Variants in DNAJC5 observed in about 807,000 individuals in gnomAD.
DNAJC5 encodes dnaJ homolog subfamily C member 5.
A neutral mutation model predicts 23.2 loss-of-function variants in DNAJC5; 1 was observed. The observed-to-expected ratio is 0.04, with a 90% CI of 0.02 to 0.20. The LOEUF (loss-of-function observed/expected upper bound fraction) is 0.20, where lower values mean the gene tolerates loss of function less well. Ranked by LOEUF, DNAJC5 falls within the 10% of genes least tolerant of loss-of-function variation. The pLI, the probability that DNAJC5 is intolerant of heterozygous loss-of-function variation, is 1.00. For synonymous variants in DNAJC5, 136 were observed against 120.0 expected (o/e 1.13, Z -0.87); for missense variants, 180 against 267.0 (o/e 0.67, Z 2.27).
In DNAJC5 at chr20:63,929,139, G is replaced by A. The variant is rs983139861; in HGVS notation, c.108-173G>A. On this transcript the variant is annotated intron_variant, in intron 2 of 4. Transcript: ENST00000360864. This position sits in a 1 kb window ranked among gnomAD's most constrained non-coding sequence, Gnocchi z 8.6. ...GAGGAGGTTTACCTGAAACAACCGC[G>A]GAGCTTGCTTTTGTCCCTGGCCCCT... Among the ~76,000 whole-genome samples, 2 of 152,176 alleles carry A rather than the reference G, an allele frequency of 1.3e-5. No individual in the cohort carries two copies. The highest frequency in any genetic ancestry group is 2.4e-5 in the African/African-American group (1 of 41,454).
At position 63,931,075 on chromosome 20, in the gene DNAJC5, G is replaced by C; in HGVS notation, c.493+53G>C. On this transcript the variant is annotated intron_variant, in intron 4 of 4. Transcript: ENST00000360864. This position sits in a 1 kb window ranked among gnomAD's most constrained non-coding sequence, Gnocchi z 9.6. ...TGTGTGTGGGGCAGAGCCAGAATGGGCCCTGAATGGTGTCAACCTGTCTTG... is the reference window on the plus strand; with the variant it reads ...TGTGTGTGGGGCAGAGCCAGAATGGCCCCTGAATGGTGTCAACCTGTCTTG... 6.3e-7 allele frequency: 1 copy of C among 1,576,694 alleles called. No individual in the cohort carries two copies.
At chr20:63,921,539 C>G (rs900853125) in intron 1 of DNAJC5, among the ~76,000 whole-genome samples, 1 of 149,402 alleles carries the variant, frequency 6.7e-6, no homozygotes, top group African/African-American at 2.5e-5. Context: ...TGCAGCAAGC[C>G]GAGATAGTGC....
chr20:63,898,480 G>A (rs1172415132), intron 1 of DNAJC5, among the ~76,000 whole-genome samples: 1 of 152,166 alleles, frequency 6.6e-6, no homozygotes, highest in Non-Finnish European at 1.5e-5. Context: ...GGAACATGGT[G>A]GCTAGCCCTG....
chr20:63,931,264 C>T lies in DNAJC5; in HGVS notation c.494-201C>T, dbSNP rs2053667943. The T allele has an allele frequency of 2.6e-6, 2 of 782,860 alleles. No homozygotes were observed. The highest frequency in any genetic ancestry group is 1.7e-5 in the African/African-American group (1 of 58,876). 48.5% of individuals were successfully genotyped at this position (782,860 alleles called of 1,614,324 possible). On this transcript the variant is annotated intron_variant, in intron 4 of 4. Transcript: ENST00000360864. This position sits in a 1 kb window ranked among gnomAD's most constrained non-coding sequence, Gnocchi z 9.6. ...GGGACTGCGAGGCGGGGCAGGGCGGCAGGCAGTTGGGGCGGGGCTGAGGGC... is the reference window on the plus strand; with the variant it reads ...GGGACTGCGAGGCGGGGCAGGGCGGTAGGCAGTTGGGGCGGGGCTGAGGGC...
intron 1 of DNAJC5, among the ~76,000 whole-genome samples, chr20:63,901,592 AC>A (rs2053412877): frequency 6.6e-6 from 1 of 152,198 alleles, no homozygotes; most frequent in East Asian, 1.9e-4. Flanking sequence ...AGAGGCCTCT[AC>A]CCCGGACGAG....
At chr20:63,916,792 C>A (rs1177195926) in intron 1 of DNAJC5, among the ~76,000 whole-genome samples, 2 of 152,236 alleles carry the variant, frequency 1.3e-5, no homozygotes, top group African/African-American at 4.8e-5. Flanking sequence ...CATTCCTTTC[C>A]CAGAGTATTA....
Position 63,929,275 on chromosome 20 carries a change from G to A in DNAJC5, c.108-37G>A. ...CGGCGGCGGGTGCGGGTGGAACAAA[G>A]TCCAGGGTAGAGCCAGGACATGGTT... is the stretch of plus-strand genomic sequence containing the variant. On this transcript the variant is annotated intron_variant, in intron 2 of 4. Transcript: ENST00000360864. The surrounding 1 kb of genome is among the most constrained non-coding windows in gnomAD (Gnocchi z 8.6). 6.3e-7 allele frequency: 1 copy of A among 1,596,256 alleles called. No homozygotes were observed. Among genetic ancestry groups the A allele is most frequent in the Admixed American group, 1.8e-5 (1 of 56,542 alleles).
chr20:63,909,837 G>A (rs11908339), intron 1 of DNAJC5, among the ~76,000 whole-genome samples: 9,603 of 152,334 alleles, frequency 0.063, 405 homozygotes, highest in East Asian at 0.13. Flanking sequence ...GCAGAGGCCC[G>A]CCTGGGCCAG....
At position 63,920,310 on chromosome 20, in the gene DNAJC5, G is replaced by C. The variant is rs1260920258; in HGVS notation, c.-11-8025G>C. ...GGGCTGACGTGGGACCCGGCACTCT[G>C]TGCTCTGTGTCTGCCCGGGAACAGG... On this transcript the variant is annotated intron_variant, in intron 1 of 4. Coordinates refer to ENST00000360864, the MANE Select transcript of DNAJC5 (RefSeq NM_025219.3). The surrounding 1 kb of genome is among the most constrained non-coding windows in gnomAD (Gnocchi z 4.6). 3.3e-5 allele frequency among the ~76,000 whole-genome samples: 5 copies of C among 152,264 alleles called. No homozygotes were observed. The highest frequency in any genetic ancestry group is 3.3e-4 in the Admixed American group (5 of 15,294).
rs1487800625 is a variant in DNAJC5, at chr20:63,920,919, A to G, written c.-11-7416A>G. On this transcript the variant is annotated intron_variant, in intron 1 of 4. Transcript: ENST00000360864. The surrounding 1 kb of genome is among the most constrained non-coding windows in gnomAD (Gnocchi z 4.6). ...CTCGAACTCCTGGCCACAAGAAGCA[A>G]TCCACCTGCCTCAGCCTCCCAAAGC... Among the ~76,000 whole-genome samples the G allele has an allele frequency of 5.3e-5, 8 of 151,416 alleles. No homozygotes were observed. Among genetic ancestry groups the G allele is most frequent in the Admixed American group, 5.3e-4 (8 of 15,168 alleles).
At chr20:63,921,743 ACTGTGTTATAACCTTT>A (rs1334563372) in intron 1 of DNAJC5, among the ~76,000 whole-genome samples, 3 of 151,956 alleles carry the variant, frequency 2.0e-5, no homozygotes, top group African/African-American at 7.2e-5. Flanking sequence ...CTCTCCTTTA[ACTGTGTTATAACCTTT>A]CTGTTGACAT....
chr20:63,929,608 C>G lies in DNAJC5; in HGVS notation c.321+83C>G, dbSNP rs1203577565. 4 of 1,402,650 alleles carry G rather than the reference C, an allele frequency of 2.9e-6. No homozygotes were observed. In the African/African-American group the frequency reaches 5.8e-5, roughly 20 times the overall value. 86.9% of individuals were successfully genotyped at this position (1,402,650 alleles called of 1,614,324 possible). A position where few individuals can be genotyped will look rare whatever the true frequency, so the allele number is the denominator to read the frequency against. On this transcript the variant is annotated intron_variant, in intron 3 of 4. Transcript: ENST00000360864. This position sits in a 1 kb window ranked among gnomAD's most constrained non-coding sequence, Gnocchi z 8.6. ...CGAGTCTCTCCTGCCGTGCGGGCAC[C>G]CGAGTCACTCCTGCCGTGCGGGCAC... is the stretch of plus-strand genomic sequence containing the variant.
In DNAJC5 at chr20:63,922,153, C is replaced by T. The variant is rs921935097; in HGVS notation, c.-11-6182C>T. Among the ~76,000 whole-genome samples, 9 of 152,100 alleles carry T rather than the reference C, an allele frequency of 5.9e-5. No individual in the cohort carries two copies. The South Asian group carries it at 1.7e-3, about 28-fold the overall frequency. ...CTTCAAACATCAGGTGGCAAACTCCCGGACTCATTACCCCAAGGAAATAGG... is the reference window on the plus strand; with the variant it reads ...CTTCAAACATCAGGTGGCAAACTCCTGGACTCATTACCCCAAGGAAATAGG... On this transcript the variant is annotated intron_variant, in intron 1 of 4. Transcript: ENST00000360864.
At position 63,928,372 on chromosome 20, in the gene DNAJC5, G is replaced by C. The variant is rs2053633125; in HGVS notation, c.27G>C (p.Leu9=). 1 of 1,613,970 alleles carries C rather than the reference G, an allele frequency of 6.2e-7. No homozygotes were observed. Among genetic ancestry groups the C allele is most frequent in the Non-Finnish European group, 8.5e-7 (1 of 1,180,020 alleles). Residue 9 remains leucine, a synonymous_variant, in exon 2 of 5, where the codon CTG becomes CTC. Coordinates refer to ENST00000360864, the MANE Select transcript of DNAJC5 (RefSeq NM_025219.3). The surrounding 1 kb of genome is among the most constrained non-coding windows in gnomAD (Gnocchi z 4.6). ...TGGCAGACCAGAGACAGCGCTCACT[G>C]TCTACCTCTGGGGAGTCATTGTACC... MADQRQRS[L]STSGESLYHV... is the part of the protein sequence containing the mutation.
At position 63,905,923 on chromosome 20, in the gene DNAJC5, CGG is replaced by C. The variant is rs556128414; in HGVS notation, c.-12+10603_-12+10604del. Reference sequence around the variant, plus strand: ...CTAATTTTTATATTTTTAGTAGAGACGGGGTTTCACCATGTTGGCCAGGCTGG... The same window carrying C: ...CTAATTTTTATATTTTTAGTAGAGACGGTTTCACCATGTTGGCCAGGCTGG... On this transcript the variant is annotated intron_variant, in intron 1 of 4. Coordinates refer to ENST00000360864, the MANE Select transcript of DNAJC5 (RefSeq NM_025219.3). Among the ~76,000 whole-genome samples the C allele has an allele frequency of 3.7e-3, 561 of 151,100 alleles. 3 individuals carry two copies. Among genetic ancestry groups the C allele is most frequent in the African/African-American group, 0.013 (536 of 41,244 alleles).
In DNAJC5 at chr20:63,932,589, ACGACCCCT is replaced by A. The variant is rs1280434350; in HGVS notation, c.*1023_*1030del. On this transcript the variant is annotated 3_prime_UTR_variant, in exon 5 of 5. Transcript: ENST00000360864. The surrounding 1 kb of genome is among the most constrained non-coding windows in gnomAD (Gnocchi z 4.4). ...AGCTACTGGGGACGGGGGCTCTCCC[ACGACCCCT>A]CCTCCTGTGTTTGCCAGAGCTCCCA... is the stretch of plus-strand genomic sequence containing the variant. The A allele has an allele frequency of 6.6e-6, 1 of 152,204 alleles. No individual in the cohort carries two copies. Among genetic ancestry groups the A allele is most frequent in the East Asian group, 1.9e-4 (1 of 5,300 alleles). 9.4% of individuals were successfully genotyped at this position (152,204 alleles called of 1,614,324 possible).
chr20:63,904,403 A>G (rs1219627326), intron 1 of DNAJC5, among the ~76,000 whole-genome samples: 1 of 152,238 alleles, frequency 6.6e-6, no homozygotes, highest in Admixed American at 6.5e-5. Flanking sequence ...GCAGACCAAC[A>G]GACAGACTCA....
chr20:63,903,633 C>T (rs1036946580), intron 1 of DNAJC5, among the ~76,000 whole-genome samples: 2 of 151,966 alleles, frequency 1.3e-5, no homozygotes, highest in Non-Finnish European at 2.9e-5. Context: ...TAAGGCTCTT[C>T]GTATAGAAAT....
rs1198430134 is a variant in DNAJC5 at position 63,928,425 on chromosome 20, C to T, written c.80C>T (p.Thr27Ile). ...GTCCTTGGGTTGGACAAGAACGCAA[C>T]CTCAGATGACATTAAAAAGTCCTAT... ...YHVLGLDKNA[T>I]SDDIKKSYRK... is the part of the protein sequence containing the mutation. Residue 27 changes from threonine (T) to isoleucine (I), a missense_variant, in exon 2 of 5, where the codon ACC becomes ATC. This residue lies in a region of DNAJC5 where 77 missense variants were observed against 106.8 expected (regional missense o/e 0.72). Transcript: ENST00000360864. This position sits in a 1 kb window ranked among gnomAD's most constrained non-coding sequence, Gnocchi z 4.6. The T allele has an allele frequency of 6.2e-7, 1 of 1,613,962 alleles. No homozygotes were observed. Among genetic ancestry groups the T allele is most frequent in the African/African-American group, 1.3e-5 (1 of 74,922 alleles).
Sources: gnomAD v4.1 joint callset for allele counts (sites outside exome capture counted in the v4.1 genomes callset) on GRCh38, gnomAD v4.1.1 for gene constraint, gnomAD v4.1.1 regional missense constraint, Gnocchi (gnomAD v3.1) non-coding constraint, MANE v1.5 for transcripts, NCBI Gene and HGNC (gene_info 2026-07-23, HGNC 2026-07-21) for gene names.